Variants in ZDHHC24 observed in about 807,000 individuals in gnomAD.
ZDHHC24 encodes the protein probable palmitoyltransferase ZDHHC24.
In ZDHHC24, 17 loss-of-function variants were observed where a neutral mutation model predicts 23.2. That is an observed-to-expected ratio of 0.73 (90% confidence interval 0.50 to 1.10). The LOEUF (loss-of-function observed/expected upper bound fraction) is 1.10. ZDHHC24 is among the 50% of genes least tolerant of loss of function. The probability of loss-of-function intolerance (pLI) is 0.00; values close to 1 mark genes in which losing one functional copy is unlikely to be tolerated. For synonymous variants in ZDHHC24, 186 were observed against 194.5 expected (o/e 0.96, Z 0.36); for missense variants, 366 against 393.0 (o/e 0.93, Z 0.58).
At chr11:66,523,177 C>G (rs1225626238) in intron 4 of ZDHHC24, 1 of 571,464 alleles carries the variant, frequency 1.7e-6, no homozygotes, top group East Asian at 4.0e-5. Context: ...GCTAGATGAT[C>G]ATACAAGCCA....
At chr11:66,531,073 G>C (rs1454458483), downstream of ZDHHC24, 1 of 1,611,874 alleles carries the variant, frequency 6.2e-7, no homozygotes, top group African/African-American at 1.3e-5. Flanking sequence ...AAAGGCCAGG[G>C]CAGGGGCCTG....
chr11:66,545,904 C>A lies in ZDHHC24; in HGVS notation c.100G>T (p.Ala34Ser), dbSNP rs866320376. 9 of 1,538,280 alleles carry A rather than the reference C, an allele frequency of 5.9e-6. No individual in the cohort carries two copies. In the Middle Eastern group the frequency reaches 1.5e-3, roughly 252 times the overall value. ...CCGGGACCGAGCACCAGCACGTAAGCCAGCTCCAGGCCCACGGCCGCGGCC... is the reference window on the plus strand; with the variant it reads ...CCGGGACCGAGCACCAGCACGTAAGACAGCTCCAGGCCCACGGCCGCGGCC... Reference protein sequence around the residue: ...LWAAAVGLELAYVLVLGPGPP... With the variant: ...LWAAAVGLELSYVLVLGPGPP... The change falls in exon 1 of 3, where the codon GCT becomes TCT. Residue 34 changes from alanine (A) to serine (S), a missense_variant. Coordinates refer to ENST00000310442, the MANE Select transcript of ZDHHC24 (RefSeq NM_207340.3). The surrounding 1 kb of genome is among the most constrained non-coding windows in gnomAD (Gnocchi z 4.5).
intron 2 of ZDHHC24, among the ~76,000 whole-genome samples, chr11:66,530,491 G>GT (rs1008453035): frequency 6.6e-6 from 1 of 152,194 alleles, no homozygotes; most frequent in African/African-American, 2.4e-5. Context: ...ACCCAACCAG[G>GT]TTCTGAGTTC....
chr11:66,521,084 C>T (rs1254227787), exon 5 of ZDHHC24: 1 of 644,672 alleles, frequency 1.6e-6, no homozygotes, highest in African/African-American at 1.8e-5. Context: ...TCAAAAGGCA[C>T]AGACTAAAAG....
chr11:66,528,685 T>C (rs1856621785), intron 3 of ZDHHC24, among the ~76,000 whole-genome samples: 1 of 151,974 alleles, frequency 6.6e-6, no homozygotes, highest in African/African-American at 2.4e-5. Flanking sequence ...TTAGACCTTT[T>C]CGGCCAGGTG....
At chr11:66,527,728 A>C (rs139098134) in intron 3 of ZDHHC24, 2 of 151,796 alleles carry the variant, frequency 1.3e-5, no homozygotes, top group African/African-American at 4.8e-5. Context: ...AACTCAGTCT[A>C]CCTGGGGCCA....
chr11:66,521,985 A>G (rs1380689382), intron 4 of ZDHHC24, among the ~76,000 whole-genome samples: 3 of 151,392 alleles, frequency 2.0e-5, no homozygotes, highest in Admixed American at 6.6e-5. Context: ...TTGGAGGCCA[A>G]CGTGGGTGGA....
At position 66,537,439 on chromosome 11, in the gene ZDHHC24, C is replaced by A. The variant is rs1047285065; in HGVS notation, c.*2090G>T. 4.6e-5 allele frequency: 7 copies of A among 152,198 alleles called. No homozygotes were observed. The highest frequency in any genetic ancestry group is 1.7e-4 in the African/African-American group (7 of 41,544). 9.4% of individuals were successfully genotyped at this position (152,198 alleles called of 1,614,324 possible). ...ATGGTCCTGGTGGAGTTCCTGAGCCCCTCCGGGGCTCTGGCAGGTAATTCC... is the reference window on the plus strand; with the variant it reads ...ATGGTCCTGGTGGAGTTCCTGAGCCACTCCGGGGCTCTGGCAGGTAATTCC... On this transcript the variant is annotated 3_prime_UTR_variant, in exon 3 of 3. Transcript: ENST00000310442.
intron 4 of ZDHHC24, among the ~76,000 whole-genome samples, chr11:66,522,222 A>G (rs1565285131): frequency 1.3e-5 from 2 of 152,136 alleles, no homozygotes; most frequent in Non-Finnish European, 2.9e-5. Context: ...TCTCAAAAAA[A>G]AAGAAAAGGA....
chr11:66,544,563 T>C (rs1857254514), intron 1 of ZDHHC24, among the ~76,000 whole-genome samples: 1 of 152,126 alleles, frequency 6.6e-6, no homozygotes, highest in Non-Finnish European at 1.5e-5. Flanking sequence ...CTCAGAGCCT[T>C]TGCACCACTT....
chr11:66,531,687 C>T (rs774636593), downstream of ZDHHC24: 1 of 1,614,150 alleles, frequency 6.2e-7, no homozygotes, highest in South Asian at 1.1e-5. Flanking sequence ...CTCAACTACC[C>T]CCTGGAGACC....
intron 4 of ZDHHC24, chr11:66,526,503 CTT>C: frequency 9.9e-7 from 1 of 1,010,740 alleles, no homozygotes; most frequent in Non-Finnish European, 1.5e-6. Context: ...TTAAGATGCA[CTT>C]TGTTACTTCC....
In ZDHHC24 at chr11:66,537,796, C is replaced by CG. The variant is rs1857019720; in HGVS notation, c.*1732_*1733insC. ...ACAAAAAATTAGCTTGGCGTGGTGGCAGGCACCTGTAGTCCCAGCTACTTG... is the reference window on the plus strand; with the variant it reads ...ACAAAAAATTAGCTTGGCGTGGTGGCGAGGCACCTGTAGTCCCAGCTACTTG... On this transcript the variant is annotated 3_prime_UTR_variant, in exon 3 of 3. Transcript: ENST00000310442. 1 of 151,614 alleles carries CG rather than the reference C, an allele frequency of 6.6e-6. No homozygotes were observed. Among genetic ancestry groups the CG allele is most frequent in the Non-Finnish European group, 1.5e-5 (1 of 67,776 alleles). 9.4% of individuals were successfully genotyped at this position (151,614 alleles called of 1,614,324 possible). A position where few individuals can be genotyped will look rare whatever the true frequency, so the allele number is the denominator to read the frequency against.
In ZDHHC24 at chr11:66,537,251, C is replaced by T. The variant is rs1380536911; in HGVS notation, c.*2278G>A. On this transcript the variant is annotated 3_prime_UTR_variant, in exon 3 of 3. Transcript: ENST00000310442. Reference sequence around the variant, plus strand: ...CGAAGCTTCTCTGGTTCCATTTATCCTTCAAATAATCCTCACGTCACACCA... The same window carrying T: ...CGAAGCTTCTCTGGTTCCATTTATCTTTCAAATAATCCTCACGTCACACCA... 6.6e-6 allele frequency: 1 copy of T among 151,988 alleles called. No individual in the cohort carries two copies. The highest frequency in any genetic ancestry group is 6.6e-5 in the Admixed American group (1 of 15,252). 9.4% of individuals were successfully genotyped at this position (151,988 alleles called of 1,614,324 possible).
downstream of ZDHHC24, chr11:66,531,014 C>T (rs770105141): frequency 5.8e-5 from 94 of 1,614,110 alleles, no homozygotes; most frequent in Admixed American, 8.3e-5. Context: ...TTCCCTGCCC[C>T]GGGCCTTCTT....
chr11:66,520,896 T>A, downstream of ZDHHC24: 1 of 339,122 alleles, frequency 2.9e-6, no homozygotes, highest in Non-Finnish European at 5.8e-6. Flanking sequence ...GTTTTGTACT[T>A]TTGGTAGAGA....
Position 66,539,454 on chromosome 11 carries a change from C to A in ZDHHC24, c.*75G>T. On this transcript the variant is annotated 3_prime_UTR_variant, in exon 3 of 3. Transcript: ENST00000310442. ...ATGCAGATGTTAAGGTCCAACCCGA[C>A]TTCCTTACTGAGTCTAGGTGTGGGG... 6.9e-7 allele frequency: 1 copy of A among 1,446,966 alleles called. No homozygotes were observed. Among genetic ancestry groups the A allele is most frequent in the South Asian group, 1.5e-5 (1 of 66,644 alleles). 89.6% of individuals were successfully genotyped at this position (1,446,966 alleles called of 1,614,324 possible). A position where few individuals can be genotyped will look rare whatever the true frequency, so the allele number is the denominator to read the frequency against.
chr11:66,543,929 C>T lies in ZDHHC24; in HGVS notation c.334G>A (p.Ala112Thr). ...QVPPRSGHCS[A>T]CRVCILRRDH... ...CGACGCAGGATGCAGACGCGGCAGG[C>T]AGAGCAGTGTCCGCTGCGTGGCGGC... Residue 112 changes from alanine (A) to threonine (T), a missense_variant, in exon 2 of 3, where the codon GCC becomes ACC. By Grantham distance (58) the Ala-to-Thr change is moderately conservative. Coordinates refer to ENST00000310442, the MANE Select transcript of ZDHHC24 (RefSeq NM_207340.3). 6.2e-7 allele frequency: 1 copy of T among 1,613,944 alleles called. No homozygotes were observed. Among genetic ancestry groups the T allele is most frequent in the Middle Eastern group, 1.7e-4 (1 of 6,046 alleles).
rs1219531361 is a variant in ZDHHC24, at chr11:66,536,022, A to C, written c.*3507T>G. ...TAATCAAGTGAAAAGGCAAACTGTA[A>C]AAGAATAAACTCTGCATGATTTCAT... On this transcript the variant is annotated 3_prime_UTR_variant, in exon 3 of 3. Coordinates refer to ENST00000310442, the MANE Select transcript of ZDHHC24 (RefSeq NM_207340.3). 1 of 152,242 alleles carries C rather than the reference A, an allele frequency of 6.6e-6. No individual in the cohort carries two copies. Among genetic ancestry groups the C allele is most frequent in the Admixed American group, 6.5e-5 (1 of 15,286 alleles). 9.4% of individuals were successfully genotyped at this position (152,242 alleles called of 1,614,324 possible).
Sources: allele counts gnomAD v4.1 joint callset (sites outside exome capture counted in the v4.1 genomes callset), GRCh38; gene constraint gnomAD v4.1.1; non-coding constraint Gnocchi (gnomAD v3.1); transcripts MANE v1.5; gene names NCBI Gene and HGNC (gene_info 2026-07-23, HGNC 2026-07-21).